FOXN3: variants seen among roughly 807,000 people sequenced by gnomAD.
The protein encoded by FOXN3 is forkhead box protein N3.
FOXN3 carries 7 observed loss-of-function variants against 38.4 expected under a neutral mutation model. The observed-to-expected ratio is 0.18, with a 90% CI of 0.10 to 0.34. The LOEUF is 0.34. FOXN3 is among the 10% of genes least tolerant of loss of function. The pLI, the probability that FOXN3 is intolerant of heterozygous loss-of-function variation, is 1.00. For synonymous variants in FOXN3, 230 were observed against 242.2 expected, an observed-to-expected ratio of 0.95 and a Z score of 0.47; for missense variants, 456 against 613.4, an observed-to-expected ratio of 0.74 and a Z score of 2.71.
At chr14:89,268,351 A>G (rs1886046411) in intron 4 of FOXN3, among the ~76,000 whole-genome samples, 1 of 152,244 alleles carries the variant, frequency 6.6e-6, no homozygotes, top group Admixed American at 6.5e-5. Context: ...CTCAAGGGAC[A>G]GTCAAACCAC....
At chr14:89,297,337 C>T (rs568276297) in intron 3 of FOXN3, among the ~76,000 whole-genome samples, 5 of 151,732 alleles carry the variant, frequency 3.3e-5, no homozygotes, top group South Asian at 4.2e-4. Flanking sequence ...CCGAGGCGGG[C>T]GGATCACAAG....
chr14:89,316,925 A>G (rs1887735940), intron 3 of FOXN3, among the ~76,000 whole-genome samples: 1 of 152,210 alleles, frequency 6.6e-6, no homozygotes, highest in Non-Finnish European at 1.5e-5. Context: ...TTGGCCTCCC[A>G]AAGTGCTGGG....
chr14:89,236,817 C>G (rs903346238), intron 4 of FOXN3, among the ~76,000 whole-genome samples: 11 of 152,208 alleles, frequency 7.2e-5, no homozygotes, highest in African/African-American at 2.7e-4. Flanking sequence ...GAAGTTCTAC[C>G]CTTTGATGAA....
chr14:89,473,079 C>T (rs1893139269), intron 1 of FOXN3, among the ~76,000 whole-genome samples: 1 of 152,040 alleles, frequency 6.6e-6, no homozygotes, highest in Admixed American at 6.6e-5. Flanking sequence ...GGCTGGAGTG[C>T]AGTGGCGCGA....
intron 2 of FOXN3, among the ~76,000 whole-genome samples, chr14:89,369,836 AT>A (rs112959639): frequency 0.025 from 3,880 of 152,274 alleles, 131 homozygotes; most frequent in African/African-American, 0.085. Context: ...TCAACATGAG[AT>A]TTGGGTGGGG....
chr14:89,250,396 C>A (rs1249375092), intron 4 of FOXN3, among the ~76,000 whole-genome samples: 1 of 152,226 alleles, frequency 6.6e-6, no homozygotes, highest in Non-Finnish European at 1.5e-5. Context: ...CAGGCATGAG[C>A]CACTGCATCC....
At chr14:89,515,878 C>T (rs1894190276) in intron 1 of FOXN3, among the ~76,000 whole-genome samples, 2 of 152,188 alleles carry the variant, frequency 1.3e-5, no homozygotes, top group African/African-American at 4.8e-5. Flanking sequence ...ATTTCTGCAG[C>T]CCTTGGTGCC....
chr14:89,543,020 T>G (rs1424966532), intron 1 of FOXN3, among the ~76,000 whole-genome samples: 1 of 140,728 alleles, frequency 7.1e-6, no homozygotes, highest in East Asian at 2.0e-4. Context: ...GCCGGTGAAG[T>G]ATTTAGCTAC....
At chr14:89,321,674 G>T (rs940909661) in intron 3 of FOXN3, among the ~76,000 whole-genome samples, 1 of 152,168 alleles carries the variant, frequency 6.6e-6, no homozygotes, top group Non-Finnish European at 1.5e-5. Flanking sequence ...GGCCAAAGAC[G>T]TTCTTTCAAA....
chr14:89,393,784 A>G (rs1260081103), intron 2 of FOXN3, among the ~76,000 whole-genome samples: 1 of 152,250 alleles, frequency 6.6e-6, no homozygotes, highest in African/African-American at 2.4e-5. Context: ...CAGAAATGAC[A>G]CACTGACAGT....
intron 1 of FOXN3, among the ~76,000 whole-genome samples, chr14:89,580,370 C>T (rs1254722241): frequency 6.6e-6 from 1 of 152,172 alleles, no homozygotes; most frequent in East Asian, 1.9e-4. Flanking sequence ...TTAGCCAAAA[C>T]CTGTTCTGTG....
chr14:89,275,876 T>C (rs1041948983), intron 4 of FOXN3, among the ~76,000 whole-genome samples: 1 of 152,148 alleles, frequency 6.6e-6, no homozygotes, highest in Admixed American at 6.5e-5. Flanking sequence ...CTATTTTAGC[T>C]GTGGGGGTGG....
Position 89,156,372 on chromosome 14 carries a change from A to G in FOXN3, c.*6042T>C. On this transcript the variant is annotated 3_prime_UTR_variant, in exon 6 of 6. Coordinates refer to ENST00000557258, the MANE Select transcript of FOXN3 (RefSeq NM_005197.4). ...CTTCCAAGCAACACCAAGTCCCTAG[A>G]GTTCGGCTGATCGCGCCTGCCTCCA... is the stretch of plus-strand genomic sequence containing the variant. The G allele has an allele frequency of 6.5e-6, 1 of 152,696 alleles. No individual in the cohort carries two copies. Among genetic ancestry groups the G allele is most frequent in the East Asian group, 1.9e-4 (1 of 5,200 alleles). The allele number at this position is 152,696 out of a possible 1,614,324, so 9.5% of individuals were successfully genotyped here.
intron 4 of FOXN3, among the ~76,000 whole-genome samples, chr14:89,193,092 G>A (rs910450100): frequency 2.0e-5 from 3 of 152,060 alleles, no homozygotes; most frequent in African/African-American, 7.2e-5. Flanking sequence ...CAAGAAAAAC[G>A]ATTTTTTCCT....
intron 2 of FOXN3, among the ~76,000 whole-genome samples, chr14:89,365,045 C>G (rs1350369031): frequency 1.3e-5 from 2 of 152,170 alleles, no homozygotes; most frequent in African/African-American, 2.4e-5. Context: ...CTAGGAAAAG[C>G]CTGCTGTGAC....
intron 4 of FOXN3, among the ~76,000 whole-genome samples, chr14:89,237,770 C>G (rs893657888): frequency 2.0e-5 from 3 of 152,206 alleles, no homozygotes; most frequent in African/African-American, 7.2e-5. Context: ...AGTACCTCAG[C>G]CATGCTTGAT....
At chr14:89,304,387 C>T (rs534883344) in intron 3 of FOXN3, among the ~76,000 whole-genome samples, 10 of 152,014 alleles carry the variant, frequency 6.6e-5, no homozygotes, top group East Asian at 5.8e-4. Flanking sequence ...AGCAGAACCG[C>T]GGTGAAGACA....
At chr14:89,236,381 G>T (rs1488698365) in intron 4 of FOXN3, among the ~76,000 whole-genome samples, 1 of 152,180 alleles carries the variant, frequency 6.6e-6, no homozygotes, top group Non-Finnish European at 1.5e-5. Context: ...CGGGTGTAGA[G>T]GCAGGCACCT....
At chr14:89,597,755 A>G (rs1248890392) in intron 1 of FOXN3, among the ~76,000 whole-genome samples, 3 of 152,100 alleles carry the variant, frequency 2.0e-5, no homozygotes, top group Non-Finnish European at 4.4e-5. Context: ...TAGCTATACA[A>G]TCTTTCTTTT....
Sources: allele counts gnomAD v4.1 joint callset (sites outside exome capture counted in the v4.1 genomes callset), GRCh38; gene constraint gnomAD v4.1.1; transcripts MANE v1.5; gene names NCBI Gene and HGNC (gene_info 2026-07-23, HGNC 2026-07-21).